Variants in DRC5 observed in about 807,000 individuals in gnomAD.
The protein encoded by DRC5 is dynein regulatory complex subunit 5, also known as T-complex-associated testis-expressed protein 1.
At chr6:44,289,042 CTT>C in the DRC5 span, among the ~76,000 whole-genome samples, 8 of 78,942 alleles carry the variant, frequency 1.0e-4, no homozygotes, top group African/African-American at 4.1e-4. Flanking sequence ...GTGAAATTAG[CTT>C]TTTTTTTTTT....
the DRC5 span, chr6:44,282,441 C>T: frequency 9.3e-6 from 15 of 1,613,504 alleles, no homozygotes; most frequent in South Asian, 1.2e-4. Flanking sequence ...TCGTGCACCA[C>T]GGTCTCCAAT....
At chr6:44,286,922 T>C in the DRC5 span, among the ~76,000 whole-genome samples, 2 of 152,230 alleles carry the variant, frequency 1.3e-5, no homozygotes, top group East Asian at 1.9e-4. Flanking sequence ...ACACTGGAGG[T>C]AGCACTATGA....
the DRC5 span, chr6:44,279,135 G>A: frequency 6.6e-6 from 1 of 152,460 alleles, no homozygotes; most frequent in East Asian, 1.9e-4. Context: ...ATCAGCCCAA[G>A]GAGGATGGGC....
chr6:44,288,003 T>A, the DRC5 span: 1 of 724,030 alleles, frequency 1.4e-6, no homozygotes, highest in Non-Finnish European at 2.2e-6. Flanking sequence ...GAATAGTGCT[T>A]AACGATCAGT....
At chr6:44,297,652 G>C in the DRC5 span, 1 of 152,232 alleles carries the variant, frequency 6.6e-6, no homozygotes, top group South Asian at 2.1e-4. Flanking sequence ...CCCGGAGGTC[G>C]CCTCACCCGC....
chr6:44,285,358 G>A, the DRC5 span, among the ~76,000 whole-genome samples: 1 of 152,170 alleles, frequency 6.6e-6, no homozygotes, highest in African/African-American at 2.4e-5. Flanking sequence ...GAATATTCGG[G>A]ACATACTTAT....
chr6:44,293,086 A>G, the DRC5 span, among the ~76,000 whole-genome samples: 1 of 152,176 alleles, frequency 6.6e-6, no homozygotes, highest in African/African-American at 2.4e-5. Context: ...CTCAATCAGT[A>G]GATGAAAGAG....
chr6:44,297,086 T>C, the DRC5 span, among the ~76,000 whole-genome samples: 1 of 31,116 alleles, frequency 3.2e-5, no homozygotes, highest in Non-Finnish European at 9.6e-5. Context: ...CCTCCCTACC[T>C]TCAGCTCAGA....
chr6:44,279,799 G>A, the DRC5 span: 3,970 of 187,084 alleles, frequency 0.021, 94 homozygotes, highest in Non-Finnish European at 0.028. Context: ...GTGTGTGTTT[G>A]AAGATCAAGG....
chr6:44,285,820 T>G, the DRC5 span: 270 of 752,044 alleles, frequency 3.6e-4, no homozygotes, highest in South Asian at 4.7e-3. Flanking sequence ...ACCGTGTATC[T>G]TGGTGCAGGG....
chr6:44,282,476 C>A, the DRC5 span: 2 of 1,611,792 alleles, frequency 1.2e-6, no homozygotes, highest in Admixed American at 3.3e-5. Flanking sequence ...AGTCCAGCTC[C>A]TCGAGGACTG....
At chr6:44,295,881 A>G in the DRC5 span, among the ~76,000 whole-genome samples, 2 of 152,168 alleles carry the variant, frequency 1.3e-5, no homozygotes, top group Non-Finnish European at 2.9e-5. Flanking sequence ...ATTTCATAGG[A>G]TTACTCAGAA....
chr6:44,279,176 G>A, the DRC5 span: 1 of 152,452 alleles, frequency 6.6e-6, no homozygotes, highest in African/African-American at 2.4e-5. Context: ...AGTCAGCTAG[G>A]TCTCTTGTGG....
At chr6:44,280,101 C>T in the DRC5 span, 1 of 1,296,702 alleles carries the variant, frequency 7.7e-7, no homozygotes, top group Admixed American at 1.8e-5. Flanking sequence ...CCCTCTGAAC[C>T]AGTGTGATAC....
At chr6:44,294,209 C>T in the DRC5 span, among the ~76,000 whole-genome samples, 3 of 151,998 alleles carry the variant, frequency 2.0e-5, no homozygotes, top group Admixed American at 6.5e-5. Context: ...CTTGAACTCT[C>T]GACCTCAGGT....
At chr6:44,279,992 A>G in the DRC5 span, 1 of 573,446 alleles carries the variant, frequency 1.7e-6, no homozygotes, top group Non-Finnish European at 3.1e-6. Context: ...CCTACTGCAT[A>G]CCCTTTCTTC....
At chr6:44,287,824 A>C in the DRC5 span, 1 of 1,612,232 alleles carries the variant, frequency 6.2e-7, no homozygotes, top group Non-Finnish European at 8.5e-7. Flanking sequence ...GGTATCCTGC[A>C]TGCTGGAGGC....
the DRC5 span, among the ~76,000 whole-genome samples, chr6:44,297,275 G>C: frequency 6.6e-6 from 1 of 152,208 alleles, no homozygotes; most frequent in Non-Finnish European, 1.5e-5. Flanking sequence ...TGATGGGAAC[G>C]GACGGCCTTT....
the DRC5 span, among the ~76,000 whole-genome samples, chr6:44,281,882 A>T: frequency 4.6e-5 from 7 of 152,234 alleles, no homozygotes; most frequent in Non-Finnish European, 7.3e-5. Context: ...AAATATACTT[A>T]GTTATATACT....
Sources: gnomAD v4.1 joint callset for allele counts (sites outside exome capture counted in the v4.1 genomes callset) on GRCh38, gnomAD v4.1.1 for gene constraint, MANE v1.5 for transcripts, NCBI Gene and HGNC (gene_info 2026-07-23, HGNC 2026-07-21) for gene names.